The following STK32C variants were observed in gnomAD, a reference collection of about 807,000 sequenced individuals.
STK32C encodes serine/threonine kinase 32C.
In STK32C, 31 loss-of-function variants were observed where a neutral mutation model predicts 56.5. That is an observed-to-expected ratio of 0.55 (90% CI 0.41 to 0.74). STK32C has a LOEUF of 0.74. Among genes scored for constraint, STK32C ranks in the 30% least tolerant of loss-of-function variants. STK32C has a pLI of 0.00. For synonymous variants in STK32C, 309 were observed against 289.4 expected (o/e 1.07, Z -0.69); for missense variants, 544 against 676.9 (o/e 0.80, Z 2.18).
At chr10:132,235,958 G>A (rs2137818817) in intron 2 of STK32C, among the ~76,000 whole-genome samples, 1 of 152,326 alleles carries the variant, frequency 6.6e-6, no homozygotes, top group Admixed American at 6.5e-5. Flanking sequence ...TGGAATTCAT[G>A]TCGGATACCG....
At chr10:132,253,596 G>C (rs796226827) in intron 1 of STK32C, among the ~76,000 whole-genome samples, 1 of 151,060 alleles carries the variant, frequency 6.6e-6, no homozygotes. Context: ...AGGGAGCCGA[G>C]GGAGCTGGAG....
intron 1 of STK32C, among the ~76,000 whole-genome samples, chr10:132,290,648 C>A (rs959611287): frequency 6.6e-6 from 1 of 152,218 alleles, no homozygotes; most frequent in East Asian, 1.9e-4. Flanking sequence ...ATGCCAAGAC[C>A]AAGCCAGTGT....
chr10:132,227,408 G>A (rs2062927435), intron 3 of STK32C, among the ~76,000 whole-genome samples: 1 of 152,242 alleles, frequency 6.6e-6, no homozygotes, highest in African/African-American at 2.4e-5. Context: ...CCATGGTGTT[G>A]ACGATGGCAG....
chr10:132,254,354 G>A (rs891322731), intron 1 of STK32C, among the ~76,000 whole-genome samples: 1 of 152,180 alleles, frequency 6.6e-6, no homozygotes, highest in African/African-American at 2.4e-5. Context: ...CATAAGCCAG[G>A]GCTTGTATCA....
chr10:132,305,365 C>G (rs2066027938), intron 1 of STK32C, among the ~76,000 whole-genome samples: 1 of 152,242 alleles, frequency 6.6e-6, no homozygotes, highest in Non-Finnish European at 1.5e-5. Context: ...TTACCTGGCA[C>G]TTTGTTAAAC....
intron 2 of STK32C, among the ~76,000 whole-genome samples, chr10:132,232,822 C>T (rs540567001): frequency 2.6e-5 from 4 of 152,036 alleles, no homozygotes; most frequent in South Asian, 2.1e-4. Context: ...TCCTATGAAA[C>T]GCCACTGACG....
chr10:132,222,012 C>T (rs954198456), intron 10 of STK32C, among the ~76,000 whole-genome samples: 4 of 150,352 alleles, frequency 2.7e-5, no homozygotes, highest in East Asian at 2.0e-4. Context: ...CTGACATCAA[C>T]GCACCTGGGT....
At position 132,226,909 on chromosome 10, in the gene STK32C, T is replaced by TCCCC; in HGVS notation, c.526_529dup (p.Asp177GlyfsTer45). 6.2e-7 allele frequency: 1 copy of TCCCC among 1,613,378 alleles called. No individual in the cohort carries two copies. On this transcript the variant is annotated frameshift_variant, in exon 4 of 12. Coordinates refer to ENST00000298630, the MANE Select transcript of STK32C (RefSeq NM_173575.4). LOFTEE classifies it high-confidence loss of function. ...GTTCTGCTGCAGGTGGTAGCGCAGG[T>TCCCC]CCCCGCCCAGTAGCAGGTCCACGAC...
intron 8 of STK32C, 63 bp downstream of exon 8, chr10:132,224,344 C>T (rs944935775): frequency 1.6e-6 from 2 of 1,260,190 alleles, no homozygotes; most frequent in Non-Finnish European, 1.1e-6. Flanking sequence ...TCCCGAGCCG[C>T]AGGTAAGTGA....
At chr10:132,280,563 C>CTCCGTGACCACG (rs1564772770) in intron 1 of STK32C, among the ~76,000 whole-genome samples, 1 of 139,046 alleles carries the variant, frequency 7.2e-6, no homozygotes, top group African/African-American at 2.7e-5. Context: ...CGCCCCTGCA[C>CTCCGTGACCACG]CCCGTGACCA....
At chr10:132,233,618 C>A (rs542523845) in intron 2 of STK32C, among the ~76,000 whole-genome samples, 3 of 152,320 alleles carry the variant, frequency 2.0e-5, no homozygotes, top group Admixed American at 2.0e-4. Context: ...GCGATGGCAC[C>A]ACCTGGCACT....
At chr10:132,261,831 G>A (rs564934154) in intron 1 of STK32C, among the ~76,000 whole-genome samples, 2 of 152,202 alleles carry the variant, frequency 1.3e-5, no homozygotes, top group African/African-American at 2.4e-5. Context: ...CATGCTAACA[G>A]ATTGGCAGAA....
At chr10:132,236,686 C>T (rs2063306427) in intron 2 of STK32C, among the ~76,000 whole-genome samples, 1 of 152,196 alleles carries the variant, frequency 6.6e-6, no homozygotes, top group Non-Finnish European at 1.5e-5. Flanking sequence ...ACCCCAGTGG[C>T]TCCAGCCGGC....
At chr10:132,297,154 T>C (rs2065774158) in intron 1 of STK32C, among the ~76,000 whole-genome samples, 1 of 152,232 alleles carries the variant, frequency 6.6e-6, no homozygotes, top group African/African-American at 2.4e-5. Context: ...CTCTGGCTGC[T>C]GTGGCTCTGG....
rs553142530 is a variant in STK32C at position 132,255,009 on chromosome 10, C to T, written c.263-9054G>A. Among the ~76,000 whole-genome samples, 11 of 152,268 alleles carry T rather than the reference C, an allele frequency of 7.2e-5. No individual in the cohort carries two copies. The highest frequency in any genetic ancestry group is 3.9e-4 in the Admixed American group (6 of 15,310). The stretch of plus-strand genomic sequence containing the variant: ...CCCACTCATCCGGAAGAGGCCCCCA[C>T]GTCCAAGTGTCCTCAGGCAGAACCA... On this transcript the variant is annotated intron_variant, in intron 1 of 11. Coordinates refer to ENST00000298630, the MANE Select transcript of STK32C (RefSeq NM_173575.4). The surrounding 1 kb of genome is among the most constrained non-coding windows in gnomAD (Gnocchi z 4.6).
At position 132,236,321 on chromosome 10, in the gene STK32C, G is replaced by A. The variant is rs569113574; in HGVS notation, c.319-8193C>T. 6.6e-5 allele frequency among the ~76,000 whole-genome samples: 10 copies of A among 152,352 alleles called. No individual in the cohort carries two copies. In the East Asian group the frequency reaches 1.5e-3, roughly 24 times the overall value. Reference sequence around the variant, plus strand: ...CCCGGAAATGGCCAACAATGTCCCCGCGGTCCTGGATGCCACAACCTGTCA... The same window carrying A: ...CCCGGAAATGGCCAACAATGTCCCCACGGTCCTGGATGCCACAACCTGTCA... On this transcript the variant is annotated intron_variant, in intron 2 of 11. Coordinates refer to ENST00000298630, the MANE Select transcript of STK32C (RefSeq NM_173575.4).
At chr10:132,272,272 G>A (rs1239246200) in intron 1 of STK32C, among the ~76,000 whole-genome samples, 1 of 152,256 alleles carries the variant, frequency 6.6e-6, no homozygotes, top group Non-Finnish European at 1.5e-5. Context: ...GCCACGTGAG[G>A]ACGCTGCCCA....
At chr10:132,302,887 A>G (rs2065950688) in intron 1 of STK32C, among the ~76,000 whole-genome samples, 1 of 152,212 alleles carries the variant, frequency 6.6e-6, no homozygotes, top group South Asian at 2.1e-4. Context: ...AGGCAAAACC[A>G]TCACGGGGCC....
At chr10:132,266,324 A>C (rs1355343762) in intron 1 of STK32C, among the ~76,000 whole-genome samples, 1 of 152,130 alleles carries the variant, frequency 6.6e-6, no homozygotes, top group African/African-American at 2.4e-5. Flanking sequence ...GGGGGTAGGA[A>C]GGGGATGCTT....
Sources: allele counts gnomAD v4.1 joint callset (sites outside exome capture counted in the v4.1 genomes callset), GRCh38; gene constraint gnomAD v4.1.1; non-coding constraint Gnocchi (gnomAD v3.1); transcripts MANE v1.5; gene names NCBI Gene and HGNC (gene_info 2026-07-23, HGNC 2026-07-21).